Variants in KLHL18 observed in about 807,000 individuals in gnomAD.
KLHL18 encodes kelch like family member 18.
A neutral mutation model predicts 58.5 loss-of-function variants in KLHL18; 38 were observed. The observed-to-expected ratio is 0.65, with a 90% CI of 0.50 to 0.85. The LOEUF (loss-of-function observed/expected upper bound fraction) is 0.85. KLHL18 is among the 40% of genes least tolerant of loss of function. The pLI is 0.00. For synonymous variants in KLHL18, 303 were observed against 301.9 expected (o/e 1.00, Z -0.04); for missense variants, 624 against 778.4 (o/e 0.80, Z 2.36).
chr3:47,323,061 T>G (rs1027377636), intron 3 of KLHL18, among the ~76,000 whole-genome samples: 1 of 152,098 alleles, frequency 6.6e-6, no homozygotes, highest in Admixed American at 6.5e-5. Context: ...CATCTTTGTT[T>G]AGGTACTTTG....
chr3:47,326,944 G>A (rs1218479485), intron 3 of KLHL18, among the ~76,000 whole-genome samples: 1 of 151,288 alleles, frequency 6.6e-6, no homozygotes, highest in Non-Finnish European at 1.5e-5. Context: ...AAAAAAAAAG[G>A]AAGGTGTGTT....
At chr3:47,304,218 C>A (rs1703087918) in intron 1 of KLHL18, among the ~76,000 whole-genome samples, 1 of 152,100 alleles carries the variant, frequency 6.6e-6, no homozygotes, top group Non-Finnish European at 1.5e-5. Flanking sequence ...AGAATAATAT[C>A]ATCTATAGCT....
At chr3:47,333,009 A>G in intron 4 of KLHL18, 148 bp from the exon 5 acceptor site, 1 of 742,200 alleles carries the variant, frequency 1.3e-6, no homozygotes, top group East Asian at 2.6e-5. Flanking sequence ...GTAGAGAGAA[A>G]TCAGGGATTT....
intron 1 of KLHL18, among the ~76,000 whole-genome samples, chr3:47,302,648 G>A (rs924469068): frequency 1.3e-5 from 2 of 152,106 alleles, no homozygotes; most frequent in African/African-American, 4.8e-5. Context: ...TGGCAGAGGC[G>A]GAAGAAAATT....
chr3:47,290,988 G>T (rs969744577), intron 1 of KLHL18, among the ~76,000 whole-genome samples: 7 of 152,104 alleles, frequency 4.6e-5, no homozygotes, highest in Non-Finnish European at 2.9e-5. Flanking sequence ...GTACAGCCTG[G>T]ACTATCCGTT....
intron 1 of KLHL18, among the ~76,000 whole-genome samples, chr3:47,310,210 G>C (rs1015801495): frequency 2.0e-5 from 3 of 152,190 alleles, no homozygotes; most frequent in African/African-American, 7.2e-5. Flanking sequence ...ACCTGCCTGT[G>C]GTAGGGAACA....
At chr3:47,340,770 G>T in intron 8 of KLHL18, 94 bp downstream of exon 8, 1 of 1,394,052 alleles carries the variant, frequency 7.2e-7, no homozygotes, top group Non-Finnish European at 1.0e-6. Flanking sequence ...CTTCTCAAGG[G>T]TAGAGAATGT....
chr3:47,307,680 G>A (rs577574017), intron 1 of KLHL18, among the ~76,000 whole-genome samples: 20 of 152,070 alleles, frequency 1.3e-4, no homozygotes, highest in Non-Finnish European at 2.1e-4. Context: ...GTGAGCCACT[G>A]CACCTGGCCA....
rs141114983 is a variant in KLHL18, at chr3:47,326,295, C to A, written c.401+3587C>A. On this transcript the variant is annotated intron_variant, in intron 3 of 9. Transcript: ENST00000232766. ...ATTCTCTCAGAGGTAGATTGGTACA[C>A]CAAATGCGTCAATGAACCACGTCAG... Among the ~76,000 whole-genome samples, 1,205 of 152,256 alleles carry A rather than the reference C, an allele frequency of 7.9e-3. 9 individuals are homozygous for A. The highest frequency in any genetic ancestry group is 0.014 in the Non-Finnish European group (980 of 68,012).
intron 1 of KLHL18, 42 bp downstream of exon 1, chr3:47,283,136 C>G (rs1027260567): frequency 2.2e-5 from 31 of 1,433,560 alleles, no homozygotes; most frequent in Admixed American, 8.8e-5. Context: ...GAAAAGGGGT[C>G]GAGCGGGGAG....
At chr3:47,342,870 T>G (rs1191950233) in intron 9 of KLHL18, 40 bp downstream of exon 9, 1 of 1,403,622 alleles carries the variant, frequency 7.1e-7, no homozygotes, top group Non-Finnish European at 1.0e-6. Context: ...TACCTACTTC[T>G]GTCTTTGAGA....
chr3:47,299,732 C>T (rs1038068383), intron 1 of KLHL18, among the ~76,000 whole-genome samples: 4 of 137,910 alleles, frequency 2.9e-5, no homozygotes, highest in African/African-American at 1.1e-4. Flanking sequence ...AAGACTGAGG[C>T]AGGAGGATTG....
At chr3:47,325,893 G>A (rs966212233) in intron 3 of KLHL18, among the ~76,000 whole-genome samples, 6 of 151,264 alleles carry the variant, frequency 4.0e-5, no homozygotes, top group African/African-American at 7.3e-5. Flanking sequence ...CTCAGCCTCC[G>A]GAGTAGCAGG....
chr3:47,283,649 C>T (rs1468686291), intron 1 of KLHL18, among the ~76,000 whole-genome samples: 3 of 152,092 alleles, frequency 2.0e-5, no homozygotes, highest in Non-Finnish European at 4.4e-5. Context: ...CTGGAAGGCA[C>T]CACTCACCAC....
chr3:47,291,657 A>G (rs1702793175), intron 1 of KLHL18, among the ~76,000 whole-genome samples: 1 of 152,198 alleles, frequency 6.6e-6, no homozygotes, highest in Admixed American at 6.5e-5. Flanking sequence ...CTGACCTGTT[A>G]TATACTGATA....
chr3:47,315,329 TC>T (rs575691134), intron 1 of KLHL18, among the ~76,000 whole-genome samples: 74 of 152,076 alleles, frequency 4.9e-4, no homozygotes, highest in African/African-American at 1.7e-3. Flanking sequence ...CTGCACCCCC[TC>T]CCCCACTCTC....
intron 1 of KLHL18, among the ~76,000 whole-genome samples, chr3:47,304,531 A>G (rs957559642): frequency 8.5e-5 from 13 of 152,186 alleles, no homozygotes; most frequent in Non-Finnish European, 1.8e-4. Flanking sequence ...AGATTTACAC[A>G]TAAGTATTTA....
chr3:47,321,356 T>G (rs295435), intron 2 of KLHL18, among the ~76,000 whole-genome samples: 113,343 of 132,474 alleles, frequency 0.86, 51,332 homozygotes, highest in East Asian at 0.99. Flanking sequence ...GTTTTGTTTT[T>G]TTTTTTTTGA....
intron 1 of KLHL18, among the ~76,000 whole-genome samples, chr3:47,311,733 A>G (rs1703305824): frequency 6.6e-6 from 1 of 152,204 alleles, no homozygotes; most frequent in Admixed American, 6.5e-5. Flanking sequence ...GAGTTACAAC[A>G]TATGAACATA....
Sources: gnomAD v4.1 joint callset for allele counts (sites outside exome capture counted in the v4.1 genomes callset) on GRCh38, gnomAD v4.1.1 for gene constraint, MANE v1.5 for transcripts, NCBI Gene and HGNC (gene_info 2026-07-23, HGNC 2026-07-21) for gene names.